The following RAP1GAP variants were observed in gnomAD, a reference collection of about 807,000 sequenced individuals.
The protein encoded by RAP1GAP is RAP1 GTPase activating protein, also known as rap1 GTPase-activating protein 1.
In RAP1GAP, 35 loss-of-function variants were observed where a neutral mutation model predicts 87.2. The observed-to-expected ratio is 0.40, with a 90% confidence interval of 0.31 to 0.53. The LOEUF is 0.53. Among genes scored for constraint, RAP1GAP ranks in the 20% least tolerant of loss-of-function variants. RAP1GAP has a pLI of 0.48. For missense variants in RAP1GAP, 734 were observed against 898.9 expected, an observed-to-expected ratio of 0.82 and a Z score of 2.35; for synonymous variants, 375 against 363.9, an observed-to-expected ratio of 1.03 and a Z score of -0.35.
chr1:21,647,971 G>A (rs1156823127), intron 2 of RAP1GAP, among the ~76,000 whole-genome samples: 4 of 152,178 alleles, frequency 2.6e-5, no homozygotes, highest in Non-Finnish European at 5.9e-5. Flanking sequence ...TAGAAAAGGA[G>A]GTGGAGACAG....
chr1:21,660,753 T>G (rs1010147207), intron 1 of RAP1GAP, among the ~76,000 whole-genome samples: 32 of 152,302 alleles, frequency 2.1e-4, no homozygotes, highest in African/African-American at 7.7e-4. Flanking sequence ...CACAGACACC[T>G]TAGCATGGTG....
chr1:21,597,674 G>A lies in RAP1GAP; in HGVS notation c.*34+12C>T. 1 of 1,591,886 alleles carries A rather than the reference G, an allele frequency of 6.3e-7. No individual in the cohort carries two copies. Among genetic ancestry groups the A allele is most frequent in the Non-Finnish European group, 8.6e-7 (1 of 1,163,408 alleles). ...TCTCCCACCAAACACAAGCTGAGGG[G>A]CTGGGTCTAACCTGCTCAGTTTCAC... On this transcript the variant is annotated intron_variant, in intron 24 of 24. Coordinates refer to ENST00000374765, the MANE Select transcript of RAP1GAP (RefSeq NM_002885.4).
chr1:21,627,222 C>T (rs1019895391), intron 2 of RAP1GAP, among the ~76,000 whole-genome samples: 5 of 152,204 alleles, frequency 3.3e-5, no homozygotes, highest in African/African-American at 7.2e-5. Flanking sequence ...GCCACCCTGA[C>T]GTGGCTGCAC....
intron 1 of RAP1GAP, chr1:21,651,633 G>A (rs774804770): frequency 2.1e-5 from 17 of 803,088 alleles, no homozygotes; most frequent in Non-Finnish European, 3.3e-5. Flanking sequence ...AGCCATGCGC[G>A]CACTGAGGTC....
intron 3 of RAP1GAP, 101 bp from the exon 4 acceptor site, chr1:21,620,151 T>G: frequency 1.6e-6 from 2 of 1,243,730 alleles, no homozygotes; most frequent in Non-Finnish European, 1.2e-6. Flanking sequence ...CTCTGATCAG[T>G]GACCGAGGCA....
intron 18 of RAP1GAP, among the ~76,000 whole-genome samples, chr1:21,604,881 A>G (rs866801240): frequency 9.8e-4 from 131 of 133,030 alleles, no homozygotes; most frequent in African/African-American, 3.5e-3. Context: ...GGATGGATGG[A>G]TGGATGGGTG....
chr1:21,612,152 T>C lies in RAP1GAP; in HGVS notation c.529-43A>G, dbSNP rs568359091. 4.5e-5 allele frequency: 65 copies of C among 1,452,344 alleles called. 2 individuals carry two copies. The Admixed American group carries it at 1.1e-3, about 25-fold the overall frequency. 90.0% of individuals were successfully genotyped at this position (1,452,344 alleles called of 1,614,324 possible). ...GGGTGAAGAGGCTGCGTGTGCAAGC[T>C]GCCATTCGACGTGCTCTTCCCCCGT... On this transcript the variant is annotated intron_variant, in intron 10 of 24. Transcript: ENST00000374765.
At chr1:21,641,924 C>T (rs1196465424) in intron 2 of RAP1GAP, among the ~76,000 whole-genome samples, 1 of 152,206 alleles carries the variant, frequency 6.6e-6, no homozygotes, top group African/African-American at 2.4e-5. Context: ...TGTGTTTCTT[C>T]CCTCCTGCAG....
At position 21,617,940 on chromosome 1, in the gene RAP1GAP, C is replaced by T. The variant is rs2083397273; in HGVS notation, c.99G>A (p.Val33=). The change falls in exon 6 of 25, where the codon GTG becomes GTA. Residue 33 remains valine (V), a synonymous_variant. Coordinates refer to ENST00000374765, the MANE Select transcript of RAP1GAP (RefSeq NM_002885.4). The stretch of plus-strand genomic sequence containing the variant: ...CGGGGTTCTAGCTGAGTACCTCGTG[C>T]ACGCTCGGGTATGGAATGTAGTCCT... ...TEEDYIPYPS[V]HEVLGREGPF... 1.2e-6 allele frequency: 2 copies of T among 1,614,136 alleles called. No individual in the cohort carries two copies. The highest frequency in any genetic ancestry group is 8.5e-7 in the Non-Finnish European group (1 of 1,180,012).
chr1:21,621,121 CA>C (rs2087011958), intron 3 of RAP1GAP, among the ~76,000 whole-genome samples: 1 of 152,188 alleles, frequency 6.6e-6, no homozygotes. Context: ...GATACACACA[CA>C]AATGCAAACC....
At position 21,597,684 on chromosome 1, in the gene RAP1GAP, A is replaced by C. The variant is rs1475019990; in HGVS notation, c.*34+2T>G. On this transcript the variant is annotated splice_donor_variant, in intron 24 of 24. Transcript: ENST00000374765. LOFTEE classifies it low-confidence loss of function (3UTR_SPLICE). ...AACACAAGCTGAGGGGCTGGGTCTA[A>C]CCTGCTCAGTTTCACCTTCAGAGGG... is the stretch of plus-strand genomic sequence containing the variant. The C allele has an allele frequency of 3.1e-6, 5 of 1,607,382 alleles. No homozygotes were observed.
intron 1 of RAP1GAP, among the ~76,000 whole-genome samples, chr1:21,658,179 T>C (rs896310960): frequency 1.3e-5 from 2 of 152,232 alleles, no homozygotes; most frequent in African/African-American, 2.4e-5. Flanking sequence ...TATTTTTTGG[T>C]GTGGCTTTAA....
rs532028200 is a variant in RAP1GAP, at chr1:21,636,191, G to A, written c.-112-9794C>T. ...CTCCTGCCTAGAGAGGCAGTGTAGC[G>A]TCAGTGTGGGCTCTGGAGCCAGATC... On this transcript the variant is annotated intron_variant, in intron 2 of 24. Coordinates refer to ENST00000374765, the MANE Select transcript of RAP1GAP (RefSeq NM_002885.4). 4.1e-4 allele frequency among the ~76,000 whole-genome samples: 62 copies of A among 152,360 alleles called. 1 individual carries two copies. In the South Asian group the frequency reaches 0.01, roughly 25 times the overall value.
At position 21,615,769 on chromosome 1, in the gene RAP1GAP, T is replaced by A. The variant is rs1247982145; in HGVS notation, c.291+1537A>T. ...TCCACTACCTTCATCTGTTCCTACCTTCATCTGTCACTTGTCACTCTTTCA... is the reference window on the plus strand; with the variant it reads ...TCCACTACCTTCATCTGTTCCTACCATCATCTGTCACTTGTCACTCTTTCA... On this transcript the variant is annotated intron_variant, in intron 7 of 24. Coordinates refer to ENST00000374765, the MANE Select transcript of RAP1GAP (RefSeq NM_002885.4). The surrounding 1 kb of genome is among the most constrained non-coding windows in gnomAD (Gnocchi z 4.5). 6.6e-6 allele frequency among the ~76,000 whole-genome samples: 1 copy of A among 152,192 alleles called. No individual in the cohort carries two copies. Among genetic ancestry groups the A allele is most frequent in the African/African-American group, 2.4e-5 (1 of 41,438 alleles).
chr1:21,653,584 CT>C (rs1558897172), intron 1 of RAP1GAP, among the ~76,000 whole-genome samples: 63 of 124,202 alleles, frequency 5.1e-4, no homozygotes, highest in African/African-American at 1.5e-3. Flanking sequence ...TCCTTCCTTC[CT>C]TCCTTCCTCC....
rs1176787158 is a variant in RAP1GAP, at chr1:21,636,266, C to T, written c.-112-9869G>A. Among the ~76,000 whole-genome samples the T allele has an allele frequency of 2.0e-5, 3 of 152,332 alleles. No individual in the cohort carries two copies. In the East Asian group the frequency reaches 5.8e-4, roughly 29 times the overall value. On this transcript the variant is annotated intron_variant, in intron 2 of 24. Transcript: ENST00000374765. The stretch of plus-strand genomic sequence containing the variant: ...CACATAACAGCTGTGTGACCTTGGA[C>T]AAGTTACTTAACCACTATGAACCTC...
chr1:21,598,903 G>GT (rs1158509294), intron 21 of RAP1GAP, among the ~76,000 whole-genome samples: 2 of 152,270 alleles, frequency 1.3e-5, no homozygotes, highest in Admixed American at 1.3e-4. Flanking sequence ...TGTATCTGTT[G>GT]TATCTGGGGC....
At position 21,598,619 on chromosome 1, in the gene RAP1GAP, CGAG is replaced by C. The variant is rs571494339; in HGVS notation, c.1777-120_1777-118del. The C allele has an allele frequency of 3.6e-5, 29 of 813,042 alleles. No individual in the cohort carries two copies. In the South Asian group the frequency reaches 4.6e-4, roughly 13 times the overall value. 50.4% of individuals were successfully genotyped at this position (813,042 alleles called of 1,614,324 possible). ...CACAACCCCCCACCCGTACCCTCTG[CGAG>C]GAGGACGGGCCTAGCCATGTCTGCC... is the stretch of plus-strand genomic sequence containing the variant. On this transcript the variant is annotated intron_variant, in intron 21 of 24. Coordinates refer to ENST00000374765, the MANE Select transcript of RAP1GAP (RefSeq NM_002885.4).
intron 19 of RAP1GAP, among the ~76,000 whole-genome samples, chr1:21,602,504 C>T (rs781463238): frequency 1.6e-4 from 25 of 152,232 alleles, no homozygotes; most frequent in Non-Finnish European, 2.9e-4. Flanking sequence ...GGGAAGAGCA[C>T]GGATGCTGGC....
Sources: allele counts gnomAD v4.1 joint callset (sites outside exome capture counted in the v4.1 genomes callset), GRCh38; gene constraint gnomAD v4.1.1; non-coding constraint Gnocchi (gnomAD v3.1); transcripts MANE v1.5; gene names NCBI Gene and HGNC (gene_info 2026-07-23, HGNC 2026-07-21).